ZFYVE28: variants seen among roughly 807,000 people sequenced by gnomAD.
The protein encoded by ZFYVE28 is lateral signaling target protein 2 homolog.
In ZFYVE28, 40 loss-of-function variants were observed where a neutral mutation model predicts 82.1. The observed-to-expected ratio is 0.49, with a 90% CI of 0.38 to 0.63. The LOEUF (loss-of-function observed/expected upper bound fraction) is 0.63. Ranked by LOEUF, ZFYVE28 falls within the 30% of genes least tolerant of loss-of-function variation. The pLI is 0.00. For synonymous variants in ZFYVE28, 612 were observed against 546.1 expected (o/e 1.12, Z -1.68); for missense variants, 1,321 against 1,242.1 (o/e 1.06, Z -0.96).
chr4:2,403,784 G>T (rs555218186), intron 1 of ZFYVE28, among the ~76,000 whole-genome samples: 2 of 152,184 alleles, frequency 1.3e-5, no homozygotes, highest in East Asian at 3.9e-4. Flanking sequence ...GGCCAACATG[G>T]TGAAACCCCG....
Position 2,418,372 on chromosome 4 carries a change from C to T in ZFYVE28, c.-49G>A. The T allele has an allele frequency of 7.5e-7, 1 of 1,336,704 alleles. No homozygotes were observed. Among genetic ancestry groups the T allele is most frequent in the Non-Finnish European group, 9.7e-7 (1 of 1,033,980 alleles). 82.8% of individuals were successfully genotyped at this position (1,336,704 alleles called of 1,614,324 possible). ...TCCGGGCGGCCCTCGCCCTCCGCAG[C>T]GCTGCGCCCGGGCCCGGCTGAGGCG... On this transcript the variant is annotated 5_prime_UTR_variant, in exon 1 of 13. Transcript: ENST00000290974. This position sits in a 1 kb window ranked among gnomAD's most constrained non-coding sequence, Gnocchi z 4.6.
intron 1 of ZFYVE28, among the ~76,000 whole-genome samples, chr4:2,361,202 G>A (rs574680669): frequency 4.0e-4 from 61 of 152,270 alleles, no homozygotes; most frequent in Middle Eastern, 3.4e-3. Flanking sequence ...TTTCGTTCAC[G>A]GGGTCAGATG....
intron 1 of ZFYVE28, among the ~76,000 whole-genome samples, chr4:2,389,566 GACA>G (rs1729614058): frequency 6.6e-6 from 1 of 152,188 alleles, no homozygotes; most frequent in African/African-American, 2.4e-5. Context: ...ATAGATTAGG[GACA>G]AGCTGCCCAA....
In ZFYVE28 at chr4:2,304,619, C is replaced by T. The variant is rs1716233009; in HGVS notation, c.1721G>A (p.Arg574Lys). ...CCGCAGACGCTCCACCACGTCCTCC[C>T]TGCTGTCCCCGCAGCTCCCACAGCA... ...CVCCGSCGDS[R>K]EDVVERLREK... The change falls in exon 8 of 13, where the codon AGG becomes AAG. Residue 574 changes from arginine to lysine, a missense_variant. By Grantham distance (26) the Arg-to-Lys change is conservative. Transcript: ENST00000290974. 5.6e-6 allele frequency: 9 copies of T among 1,612,500 alleles called. No individual in the cohort carries two copies. The highest frequency in any genetic ancestry group is 6.8e-6 in the Non-Finnish European group (8 of 1,179,848).
intron 7 of ZFYVE28, chr4:2,318,967 G>C (rs1180965031): frequency 2.0e-5 from 3 of 152,532 alleles, no homozygotes; most frequent in African/African-American, 7.2e-5. Context: ...AGCCCGTTCA[G>C]CTTCATCCTC....
intron 1 of ZFYVE28, among the ~76,000 whole-genome samples, chr4:2,374,063 C>T (rs1186289254): frequency 2.0e-5 from 3 of 152,176 alleles, no homozygotes; most frequent in Admixed American, 1.3e-4. Flanking sequence ...CCATGGGTCT[C>T]CAAGAGCTCC....
Position 2,304,824 on chromosome 4 carries a change from G to T in ZFYVE28, c.1516C>A (p.His506Asn). 1 of 1,612,664 alleles carries T rather than the reference G, an allele frequency of 6.2e-7. No individual in the cohort carries two copies. The highest frequency in any genetic ancestry group is 8.5e-7 in the Non-Finnish European group (1 of 1,179,930). Residue 506 changes from histidine to asparagine, a missense_variant, in exon 8 of 13, where the codon CAC becomes AAC. Coordinates refer to ENST00000290974, the MANE Select transcript of ZFYVE28 (RefSeq NM_020972.3). The part of the protein sequence containing the change: ...DDAETAEMIA[H>N]RTGGMKLSAT... ...GAGAGCTTCATGCCCCCTGTCCGGT[G>T]GGCGATCATCTCAGCCGTCTCTGCG...
At chr4:2,278,169 CGAAAT>C (rs930180286) in intron 8 of ZFYVE28, among the ~76,000 whole-genome samples, 45 of 151,752 alleles carry the variant, frequency 3.0e-4, no homozygotes, top group Non-Finnish European at 5.6e-4. Context: ...AAAATTCACT[CGAAAT>C]GAATCATATA....
At chr4:2,304,118 T>TCCTGCC (rs1400360307) in intron 8 of ZFYVE28, among the ~76,000 whole-genome samples, 171 bp downstream of exon 8, 1 of 152,192 alleles carries the variant, frequency 6.6e-6, no homozygotes, top group Admixed American at 6.5e-5. Context: ...TGCAGCCAGC[T>TCCTGCC]CCTGCCCCTG....
At chr4:2,281,513 A>C (rs2108803590) in intron 8 of ZFYVE28, among the ~76,000 whole-genome samples, 1 of 152,316 alleles carries the variant, frequency 6.6e-6, no homozygotes, top group Admixed American at 6.5e-5. Flanking sequence ...CGCATGGGCA[A>C]GAGAGAGGGG....
chr4:2,413,045 G>A (rs530673613), intron 1 of ZFYVE28, among the ~76,000 whole-genome samples: 92 of 152,340 alleles, frequency 6.0e-4, no homozygotes, highest in Admixed American at 1.0e-3. Flanking sequence ...GCCAGGGAAG[G>A]AGAGCCCTGA....
chr4:2,368,218 A>AAAAAAAAAAAAC (rs1433136244), intron 1 of ZFYVE28, among the ~76,000 whole-genome samples: 6 of 131,802 alleles, frequency 4.6e-5, no homozygotes, highest in African/African-American at 1.4e-4. Flanking sequence ...CTACAAAAAA[A>AAAAAAAAAAAAC]AAAAAAAAAA....
At chr4:2,273,848 C>T (rs1736144749) in intron 9 of ZFYVE28, among the ~76,000 whole-genome samples, 1 of 152,144 alleles carries the variant, frequency 6.6e-6, no homozygotes, top group Admixed American at 6.5e-5. Context: ...AGGAAAACGC[C>T]TCCCACCCTC....
At chr4:2,391,359 G>A (rs1729801497) in intron 1 of ZFYVE28, among the ~76,000 whole-genome samples, 1 of 151,756 alleles carries the variant, frequency 6.6e-6, no homozygotes, top group Non-Finnish European at 1.5e-5. Context: ...CCCGTCCTGG[G>A]GCCATTGTTC....
chr4:2,406,062 AAAAG>A (rs1553867780), intron 1 of ZFYVE28, among the ~76,000 whole-genome samples: 2 of 125,072 alleles, frequency 1.6e-5, no homozygotes, highest in Non-Finnish European at 1.6e-5. Flanking sequence ...AAAAAAAAAA[AAAAG>A]AAAGAAAGAA....
At chr4:2,380,104 T>C (rs956549735) in intron 1 of ZFYVE28, among the ~76,000 whole-genome samples, 3 of 152,196 alleles carry the variant, frequency 2.0e-5, no homozygotes, top group Non-Finnish European at 4.4e-5. Flanking sequence ...AACCTAATAG[T>C]ATTAGTATAC....
In ZFYVE28 at chr4:2,364,713, G is replaced by T. The variant is rs543141105; in HGVS notation, c.40-10640C>A. On this transcript the variant is annotated intron_variant, in intron 1 of 12. Coordinates refer to ENST00000290974, the MANE Select transcript of ZFYVE28 (RefSeq NM_020972.3). ...AGCACCTCGCGTCTCGCCGTCAGGG[G>T]TGACAGTGGTGGACGCAGGTGATGA... is the stretch of plus-strand genomic sequence containing the variant. The T allele has an allele frequency of 9.8e-5, 97 of 985,338 alleles. No individual in the cohort carries two copies. The African/African-American group carries it at 1.4e-3, about 15-fold the overall frequency. The allele number at this position is 985,338 out of a possible 1,614,324, so 61.0% of individuals were successfully genotyped here.
chr4:2,376,575 A>T lies in ZFYVE28; in HGVS notation c.40-22502T>A, dbSNP rs150643414. Among the ~76,000 whole-genome samples the T allele has an allele frequency of 4.3e-3, 649 of 152,194 alleles. 6 individuals are homozygous for T. Among genetic ancestry groups the T allele is most frequent in the African/African-American group, 0.014 (582 of 41,514 alleles). On this transcript the variant is annotated intron_variant, in intron 1 of 12. Coordinates refer to ENST00000290974, the MANE Select transcript of ZFYVE28 (RefSeq NM_020972.3). ...ACCTCTTCACAGGGCAGCAGGAGAG[A>T]GAGTGAGTGCCAGCAGGGGAAATGC...
chr4:2,347,267 C>A (rs995145462), intron 2 of ZFYVE28, among the ~76,000 whole-genome samples: 3 of 152,166 alleles, frequency 2.0e-5, no homozygotes, highest in African/African-American at 4.8e-5. Flanking sequence ...TAACAATAGA[C>A]CTTCAAGCGG....
Sources: gnomAD v4.1 joint callset for allele counts (sites outside exome capture counted in the v4.1 genomes callset) on GRCh38, gnomAD v4.1.1 for gene constraint, Gnocchi (gnomAD v3.1) non-coding constraint, MANE v1.5 for transcripts, NCBI Gene and HGNC (gene_info 2026-07-23, HGNC 2026-07-21) for gene names.